Variants in CADM1 observed in about 807,000 individuals in gnomAD.
CADM1 encodes the protein TSLC-1.
Under a neutral mutation model 53.1 loss-of-function variants are expected in CADM1, and 15 were observed. The ratio of observed to expected loss-of-function variants is 0.28; its 90% confidence interval spans 0.19 to 0.44. The LOEUF (loss-of-function observed/expected upper bound fraction) is 0.44. Ranked by LOEUF, CADM1 falls within the 20% of genes least tolerant of loss-of-function variation. CADM1 has a pLI of 1.00. For missense variants in CADM1, 434 were observed against 611.3 expected (o/e 0.71, Z 3.06); for synonymous variants, 281 against 243.0 (o/e 1.16, Z -1.45).
intron 1 of CADM1, among the ~76,000 whole-genome samples, chr11:115,360,467 A>G (rs750106572): frequency 6.6e-5 from 10 of 152,270 alleles, no homozygotes; most frequent in Non-Finnish European, 1.2e-4. Flanking sequence ...AGAAAACTAT[A>G]TACACACATA....
At chr11:115,294,448 C>T (rs1037225749) in intron 1 of CADM1, among the ~76,000 whole-genome samples, 2 of 152,136 alleles carry the variant, frequency 1.3e-5, no homozygotes, top group East Asian at 1.9e-4. Flanking sequence ...TCTCATCTAC[C>T]GCCATCTCTT....
intron 1 of CADM1, among the ~76,000 whole-genome samples, chr11:115,421,446 C>CAGCCACACCTTTTCACAGTAGCTG (rs1947754487): frequency 6.6e-6 from 1 of 152,202 alleles, no homozygotes; most frequent in South Asian, 2.1e-4. Context: ...CACAGCAGCT[C>CAGCCACACCTTTTCACAGTAGCTG]AGCCACACCT....
chr11:115,442,989 A>G (rs1412240708), intron 1 of CADM1, among the ~76,000 whole-genome samples: 6 of 152,244 alleles, frequency 3.9e-5, no homozygotes, highest in Non-Finnish European at 7.3e-5. Context: ...ACAAGAGGGT[A>G]TCATTTCTCC....
At position 115,215,987 on chromosome 11, in the gene CADM1, T is replaced by C. The variant is rs191505794; in HGVS notation, c.822-1207A>G. Reference sequence around the variant, plus strand: ...TCTTTAATTACACATGGGTTTGTCATCACAACCCAGTAAATTATTTAAAAA... The same window carrying C: ...TCTTTAATTACACATGGGTTTGTCACCACAACCCAGTAAATTATTTAAAAA... On this transcript the variant is annotated intron_variant, in intron 6 of 11. Transcript: ENST00000331581. Among the ~76,000 whole-genome samples the C allele has an allele frequency of 7.2e-5, 11 of 152,332 alleles. No individual in the cohort carries two copies. In the East Asian group the frequency reaches 2.1e-3, roughly 29 times the overall value.
chr11:115,393,943 A>G (rs959578132), intron 1 of CADM1, among the ~76,000 whole-genome samples: 5 of 152,092 alleles, frequency 3.3e-5, no homozygotes, highest in Non-Finnish European at 7.4e-5. Flanking sequence ...TTATTGAAGA[A>G]AAAAAAAGAA....
chr11:115,393,543 A>C (rs1010996226), intron 1 of CADM1, among the ~76,000 whole-genome samples: 37 of 147,922 alleles, frequency 2.5e-4, no homozygotes, highest in African/African-American at 8.6e-4. Context: ...AAAAGAGCAA[A>C]TGTTAACAGT....
chr11:115,445,333 C>T (rs955358375), intron 1 of CADM1, among the ~76,000 whole-genome samples: 1 of 152,034 alleles, frequency 6.6e-6, no homozygotes, highest in Non-Finnish European at 1.5e-5. Context: ...GGACCGTGGG[C>T]CAGTTACTTA....
At chr11:115,264,832 T>C (rs984949120) in intron 1 of CADM1, among the ~76,000 whole-genome samples, 6 of 152,198 alleles carry the variant, frequency 3.9e-5, no homozygotes, top group Non-Finnish European at 5.9e-5. Context: ...ATCATGATGA[T>C]TTCTCTTACT....
In CADM1 at chr11:115,296,121, T is replaced by A. The variant is rs528177042; in HGVS notation, c.125-55701A>T. ...GAGTGCACCCATGCCCAGCTAATAT[T>A]TTTTGGCCTTAGTAAGACAGGGTCT... On this transcript the variant is annotated intron_variant, in intron 1 of 11. Transcript: ENST00000331581. 2.0e-5 allele frequency among the ~76,000 whole-genome samples: 3 copies of A among 152,194 alleles called. No individual in the cohort carries two copies. The South Asian group carries it at 6.2e-4, about 32-fold the overall frequency.
intron 1 of CADM1, chr11:115,363,793 C>T (rs1360474764): frequency 6.6e-6 from 1 of 152,164 alleles, no homozygotes; most frequent in South Asian, 2.1e-4. Flanking sequence ...TCATGCACCA[C>T]ATAACAACTT....
intron 9 of CADM1, among the ~76,000 whole-genome samples, chr11:115,193,561 G>A (rs557210640): frequency 6.6e-5 from 10 of 152,222 alleles, no homozygotes; most frequent in Admixed American, 6.5e-4. Context: ...GTAATTGCTG[G>A]CTTCTAAAAG....
chr11:115,364,496 C>T (rs1946107960), intron 1 of CADM1, among the ~76,000 whole-genome samples: 1 of 151,570 alleles, frequency 6.6e-6, no homozygotes, highest in Non-Finnish European at 1.5e-5. Flanking sequence ...CCATAAATGT[C>T]ACCATTTAAA....
chr11:115,265,604 C>T (rs540411086), intron 1 of CADM1, among the ~76,000 whole-genome samples: 2 of 152,296 alleles, frequency 1.3e-5, no homozygotes, highest in Admixed American at 1.3e-4. Flanking sequence ...ATTGAATACA[C>T]CTACCTGTGT....
At chr11:115,262,481 C>G (rs184557300) in intron 1 of CADM1, among the ~76,000 whole-genome samples, 1 of 152,300 alleles carries the variant, frequency 6.6e-6, no homozygotes, top group East Asian at 1.9e-4. Flanking sequence ...AGGTTAAGTG[C>G]CTCTCCTGTG....
chr11:115,263,334 T>G (rs186256292), intron 1 of CADM1, among the ~76,000 whole-genome samples: 135 of 152,340 alleles, frequency 8.9e-4, no homozygotes, highest in African/African-American at 3.1e-3. Flanking sequence ...ATTAAAGAAT[T>G]TGTAGATATA....
chr11:115,473,268 G>A (rs934788405), intron 1 of CADM1, among the ~76,000 whole-genome samples: 1 of 152,166 alleles, frequency 6.6e-6, no homozygotes, highest in African/African-American at 2.4e-5. Flanking sequence ...ACACCAGCCT[G>A]GGGAACATAG....
chr11:115,266,290 T>C (rs542903989), intron 1 of CADM1, among the ~76,000 whole-genome samples: 2 of 152,342 alleles, frequency 1.3e-5, no homozygotes, highest in East Asian at 3.9e-4. Flanking sequence ...CTCATAGCAG[T>C]GAAATGTAAC....
At chr11:115,325,935 TGGCACCTGCAATTGCTAG>T (rs1944948467) in intron 1 of CADM1, among the ~76,000 whole-genome samples, 1 of 152,220 alleles carries the variant, frequency 6.6e-6, no homozygotes, top group South Asian at 2.1e-4. Flanking sequence ...TTTAAACCGT[TGGCACCTGCAATTGCTAG>T]CAGGCCTAGG....
intron 3 of CADM1, among the ~76,000 whole-genome samples, chr11:115,237,148 C>A (rs1942037657): frequency 6.6e-6 from 1 of 152,098 alleles, no homozygotes; most frequent in Non-Finnish European, 1.5e-5. Context: ...CTGATACAAG[C>A]AGACAGACAG....
Sources: gnomAD v4.1 joint callset for allele counts (sites outside exome capture counted in the v4.1 genomes callset) on GRCh38, gnomAD v4.1.1 for gene constraint, MANE v1.5 for transcripts, NCBI Gene and HGNC (gene_info 2026-07-23, HGNC 2026-07-21) for gene names.